TMEFF2: variants seen among roughly 807,000 people sequenced by gnomAD.
TMEFF2 encodes the protein transmembrane protein with EGF like and two follistatin like domains 2.
Under a neutral mutation model 53.8 loss-of-function variants are expected in TMEFF2, and 28 were observed. That is an observed-to-expected ratio of 0.52 (90% CI 0.39 to 0.71). The LOEUF (loss-of-function observed/expected upper bound fraction) is 0.71, where lower values mean the gene tolerates loss of function less well. TMEFF2 is among the 30% of genes least tolerant of loss of function. The pLI, the probability that TMEFF2 is intolerant of heterozygous loss-of-function variation, is 0.00. For synonymous variants in TMEFF2, 162 were observed against 166.3 expected (o/e 0.97, Z 0.20); for missense variants, 353 against 455.2 (o/e 0.78, Z 2.04).
chr2:191,970,130 A>G (rs1032030556), intron 7 of TMEFF2, among the ~76,000 whole-genome samples: 2 of 152,164 alleles, frequency 1.3e-5, no homozygotes, highest in African/African-American at 4.8e-5. Context: ...GTGAAGATCC[A>G]TGGTAGATTT....
intron 4 of TMEFF2, among the ~76,000 whole-genome samples, chr2:192,071,488 C>T (rs1380935196): frequency 1.3e-5 from 2 of 151,742 alleles, no homozygotes; most frequent in African/African-American, 2.4e-5. Flanking sequence ...AAACCTGAAA[C>T]GTGTCAATTT....
Position 191,949,815 on chromosome 2 carries a change from A to ATAAAG in TMEFF2, c.*491_*495dup, listed in dbSNP as rs1266707814. 4 of 985,440 alleles carry ATAAAG rather than the reference A, an allele frequency of 4.1e-6. No homozygotes were observed. The highest frequency in any genetic ancestry group is 2.3e-4 in the East Asian group (2 of 8,834). The allele number at this position is 985,440 out of a possible 1,614,324, so 61.0% of individuals were successfully genotyped here. ...CGGAAATATTTTATCCTCACTCGATATAAAGTAAATTATTTTTTCTCTTTT... is the reference window on the plus strand; with the variant it reads ...CGGAAATATTTTATCCTCACTCGATATAAAGTAAAGTAAATTATTTTTTCTCTTTT... On this transcript the variant is annotated 3_prime_UTR_variant, in exon 10 of 10. Transcript: ENST00000272771.
intron 4 of TMEFF2, among the ~76,000 whole-genome samples, chr2:192,104,603 G>A (rs1219732280): frequency 6.6e-6 from 1 of 151,946 alleles, no homozygotes; most frequent in Admixed American, 6.6e-5. Flanking sequence ...TATTCATATT[G>A]TATTCATCTT....
In TMEFF2 at chr2:192,194,399, A is replaced by G. The variant is rs1691552820; in HGVS notation, c.126T>C (p.Pro42=). Reference sequence around the variant, plus strand: ...GCGTTTGGCAGTCACTTAAGGAGGTAGGGAAAGCAGCGAGCTTCACCGGGC... The same window carrying G: ...GCGTTTGGCAGTCACTTAAGGAGGTGGGGAAAGCAGCGAGCTTCACCGGGC... ...VARPVKLAAF[P]TSLSDCQTPT... The change falls in exon 1 of 10, where the codon CCT becomes CCC. Residue 42 remains proline (P), a synonymous_variant. Coordinates refer to ENST00000272771, the MANE Select transcript of TMEFF2 (RefSeq NM_016192.4). This position sits in a 1 kb window ranked among gnomAD's most constrained non-coding sequence, Gnocchi z 4.2. 6.2e-7 allele frequency: 1 copy of G among 1,614,060 alleles called. No individual in the cohort carries two copies. The highest frequency in any genetic ancestry group is 1.3e-5 in the African/African-American group (1 of 74,926).
intron 7 of TMEFF2, among the ~76,000 whole-genome samples, chr2:191,975,107 CA>C (rs1347203342): frequency 6.7e-6 from 1 of 150,056 alleles, no homozygotes; most frequent in African/African-American, 2.4e-5. Flanking sequence ...ATTTTGATGA[CA>C]TAGAAAATGA....
intron 4 of TMEFF2, among the ~76,000 whole-genome samples, chr2:192,172,044 G>T (rs1412325143): frequency 2.0e-5 from 3 of 151,932 alleles, no homozygotes; most frequent in Admixed American, 6.6e-5. Flanking sequence ...CCAGTCTGCA[G>T]CTGAAGAGAG....
chr2:192,065,127 A>G (rs1012519099), intron 4 of TMEFF2, among the ~76,000 whole-genome samples: 2 of 151,788 alleles, frequency 1.3e-5, no homozygotes, highest in Non-Finnish European at 2.9e-5. Flanking sequence ...AAACTTTCTA[A>G]TATTTTCTTT....
Position 191,954,033 on chromosome 2 carries a change from G to A in TMEFF2, c.870-196C>T, listed in dbSNP as rs967249153. On this transcript the variant is annotated intron_variant, in intron 8 of 9. Transcript: ENST00000272771. ...CTCCCGAGTAGCTGGGACTACAGGC[G>A]CCCGCCACTATGCCCGGCTAATTTT... Among the ~76,000 whole-genome samples the A allele has an allele frequency of 1.1e-4, 16 of 151,374 alleles. No individual in the cohort carries two copies. The South Asian group carries it at 1.9e-3, about 18-fold the overall frequency.
chr2:192,103,757 T>C (rs1689085942), intron 4 of TMEFF2, among the ~76,000 whole-genome samples: 3 of 151,936 alleles, frequency 2.0e-5, no homozygotes, highest in South Asian at 4.1e-4. Context: ...ATTAGTAGAA[T>C]GAGAAGGAAT....
chr2:192,184,642 T>C (rs537683696), intron 2 of TMEFF2, among the ~76,000 whole-genome samples, 159 bp from the exon 3 acceptor site: 5 of 152,166 alleles, frequency 3.3e-5, no homozygotes, highest in South Asian at 2.1e-4. Flanking sequence ...CATTGAAAGA[T>C]GCACAAAGCC....
At chr2:192,094,298 C>G (rs1574367059) in intron 4 of TMEFF2, among the ~76,000 whole-genome samples, 2 of 152,236 alleles carry the variant, frequency 1.3e-5, no homozygotes, top group South Asian at 2.1e-4. Context: ...CCTCATGTTT[C>G]TTTGCATTTG....
At chr2:191,951,344 C>G (rs1457141011) in intron 9 of TMEFF2, among the ~76,000 whole-genome samples, 1 of 136,656 alleles carries the variant, frequency 7.3e-6, no homozygotes, top group Non-Finnish European at 1.7e-5. Context: ...AACATGTCTC[C>G]AAATGTCCAT....
At chr2:192,076,484 G>A (rs946570476) in intron 4 of TMEFF2, among the ~76,000 whole-genome samples, 18 of 152,186 alleles carry the variant, frequency 1.2e-4, no homozygotes, top group East Asian at 3.9e-4. Flanking sequence ...TCTCTCTAGC[G>A]TCTTCATTTA....
rs549811047 is a variant in TMEFF2 at position 192,008,466 on chromosome 2, G to A, written c.537-9258C>T. 1.4e-4 allele frequency among the ~76,000 whole-genome samples: 21 copies of A among 152,106 alleles called. No homozygotes were observed. In the South Asian group the frequency reaches 1.5e-3, roughly 11 times the overall value. Reference sequence around the variant, plus strand: ...AAGCAAACAATTCTTCCTCATGTACGTTTTTAAAAGTATCTTGAAGCAAAA... The same window carrying A: ...AAGCAAACAATTCTTCCTCATGTACATTTTTAAAAGTATCTTGAAGCAAAA... On this transcript the variant is annotated intron_variant, in intron 5 of 9. Transcript: ENST00000272771.
intron 5 of TMEFF2, among the ~76,000 whole-genome samples, chr2:192,002,143 T>C (rs1686380154): frequency 6.6e-6 from 1 of 152,178 alleles, no homozygotes; most frequent in Admixed American, 6.5e-5. Flanking sequence ...CCTTTTAAGA[T>C]TTGTTTCCTC....
chr2:192,157,527 T>G (rs1412982191), intron 4 of TMEFF2, among the ~76,000 whole-genome samples: 1 of 152,070 alleles, frequency 6.6e-6, no homozygotes, highest in Non-Finnish European at 1.5e-5. Flanking sequence ...AACACTTATT[T>G]GGATATACGT....
chr2:192,061,860 C>G (rs1483150403), intron 4 of TMEFF2, among the ~76,000 whole-genome samples: 1 of 152,088 alleles, frequency 6.6e-6, no homozygotes, highest in East Asian at 1.9e-4. Context: ...CGTTCTCTCT[C>G]TTGCTCCCCG....
intron 7 of TMEFF2, among the ~76,000 whole-genome samples, chr2:191,967,253 G>T (rs1193348971): frequency 6.6e-6 from 1 of 152,068 alleles, no homozygotes; most frequent in Non-Finnish European, 1.5e-5. Context: ...TATAGGTACA[G>T]CACCTTAGTA....
intron 5 of TMEFF2, chr2:192,028,988 T>TC (rs1186409595): frequency 6.6e-6 from 1 of 152,170 alleles, no homozygotes; most frequent in Non-Finnish European, 1.5e-5. Context: ...GGGAACTTCT[T>TC]CCTGCTTTTT....
Sources: allele counts gnomAD v4.1 joint callset (sites outside exome capture counted in the v4.1 genomes callset), GRCh38; gene constraint gnomAD v4.1.1; non-coding constraint Gnocchi (gnomAD v3.1); transcripts MANE v1.5; gene names NCBI Gene and HGNC (gene_info 2026-07-23, HGNC 2026-07-21).